Variants in UNC5D observed in about 807,000 individuals in gnomAD.
UNC5D encodes netrin receptor UNC5D.
In UNC5D, 39 loss-of-function variants were observed where a neutral mutation model predicts 105.4. The ratio of observed to expected loss-of-function variants is 0.37; its 90% confidence interval spans 0.29 to 0.48. UNC5D has a LOEUF of 0.48. Among genes scored for constraint, UNC5D ranks in the 20% least tolerant of loss-of-function variants. The pLI is 0.98. For missense variants in UNC5D, 991 were observed against 1,202.4 expected (o/e 0.82, Z 2.60); for synonymous variants, 452 against 450.4 (o/e 1.00, Z -0.04).
At position 35,512,567 on chromosome 8, in the gene UNC5D, A is replaced by ATCTC. The variant is rs1181301767; in HGVS notation, c.104-36724_104-36723insCTCT. Among the ~76,000 whole-genome samples the ATCTC allele has an allele frequency of 5.8e-4, 54 of 93,174 alleles. 3 individuals are homozygous for ATCTC. Among genetic ancestry groups the ATCTC allele is most frequent in the African/African-American group, 2.6e-3 (53 of 20,200 alleles). The allele number at this position is 93,174 out of a possible 152,430, so 61.1% of individuals were successfully genotyped here. ...TATATATATATATATATATATATAT[A>ATCTC]TATCTGAATAGATTACTAAATGGAG... On this transcript the variant is annotated intron_variant, in intron 1 of 16. Coordinates refer to ENST00000404895, the MANE Select transcript of UNC5D (RefSeq NM_080872.4).
chr8:35,758,205 G>C (rs1024285183), intron 13 of UNC5D, among the ~76,000 whole-genome samples: 1 of 152,202 alleles, frequency 6.6e-6, no homozygotes, highest in African/African-American at 2.4e-5. Context: ...TAAAACTTGG[G>C]TGACTTTTTA....
At chr8:35,604,403 G>C (rs542233133) in intron 4 of UNC5D, among the ~76,000 whole-genome samples, 1,921 of 152,250 alleles carry the variant, frequency 0.013, 39 homozygotes, top group African/African-American at 0.043. Context: ...GAGTTTCTGC[G>C]GAGAGATCAG....
intron 1 of UNC5D, among the ~76,000 whole-genome samples, chr8:35,353,313 CAGTT>C (rs1474985153): frequency 3.3e-5 from 5 of 152,068 alleles, no homozygotes; most frequent in South Asian, 2.1e-4. Context: ...ACAATTGTAA[CAGTT>C]AGAGTTTGAG....
At chr8:35,341,178 T>C (rs1811428818) in intron 1 of UNC5D, among the ~76,000 whole-genome samples, 1 of 152,160 alleles carries the variant, frequency 6.6e-6, no homozygotes, top group African/African-American at 2.4e-5. Context: ...CTATTCATAC[T>C]GGAATAATTT....
chr8:35,724,171 C>T (rs1828734902), intron 9 of UNC5D: 2 of 1,472,964 alleles, frequency 1.4e-6, no homozygotes, highest in Non-Finnish European at 1.8e-6. Context: ...TTAAACTCAA[C>T]TTATGTGTAT....
chr8:35,764,199 G>C (rs1022766874), intron 14 of UNC5D, among the ~76,000 whole-genome samples: 1 of 152,172 alleles, frequency 6.6e-6, no homozygotes, highest in Non-Finnish European at 1.5e-5. Flanking sequence ...AGAGATGATG[G>C]CAATCAGTTT....
At chr8:35,389,219 T>C (rs1054102298) in intron 1 of UNC5D, among the ~76,000 whole-genome samples, 3 of 152,242 alleles carry the variant, frequency 2.0e-5, no homozygotes, top group East Asian at 1.9e-4. Context: ...TGATGTCTAA[T>C]GGACATCTAG....
chr8:35,684,485 C>T (rs1825879194), intron 5 of UNC5D, 97 bp from the exon 6 acceptor site: 2 of 1,451,044 alleles, frequency 1.4e-6, no homozygotes, highest in Non-Finnish European at 1.9e-6. Context: ...TCCCTGGATG[C>T]CTGACTCACA....
chr8:35,733,268 C>A (rs1007394670), intron 11 of UNC5D, among the ~76,000 whole-genome samples: 1 of 152,164 alleles, frequency 6.6e-6, no homozygotes, highest in Non-Finnish European at 1.5e-5. Context: ...ATAGCAAATA[C>A]CTTTCTACTA....
At chr8:35,271,167 A>T (rs1805256509) in intron 1 of UNC5D, among the ~76,000 whole-genome samples, 1 of 149,970 alleles carries the variant, frequency 6.7e-6, no homozygotes, top group Admixed American at 6.7e-5. Context: ...GTCATTCAAC[A>T]AATATATTTG....
chr8:35,367,529 A>T (rs2128922701), intron 1 of UNC5D, among the ~76,000 whole-genome samples: 1 of 152,144 alleles, frequency 6.6e-6, no homozygotes, highest in East Asian at 1.9e-4. Flanking sequence ...CAGAGGAGGA[A>T]GAGCATTTGT....
chr8:35,713,075 A>T (rs1184245935), intron 8 of UNC5D, among the ~76,000 whole-genome samples: 4 of 151,640 alleles, frequency 2.6e-5, no homozygotes, highest in Non-Finnish European at 5.9e-5. Flanking sequence ...ATTTTTTATG[A>T]TCTAATGTTT....
intron 1 of UNC5D, among the ~76,000 whole-genome samples, chr8:35,293,633 T>G (rs1204470366): frequency 6.6e-6 from 1 of 152,216 alleles, no homozygotes; most frequent in African/African-American, 2.4e-5. Context: ...ATTTCCATGA[T>G]TGACTCTGTG....
intron 1 of UNC5D, among the ~76,000 whole-genome samples, chr8:35,545,926 C>G (rs1815639854): frequency 6.6e-6 from 1 of 152,072 alleles, no homozygotes; most frequent in South Asian, 2.1e-4. Context: ...GTCTGTCTCT[C>G]TCTGTCACCC....
intron 8 of UNC5D, among the ~76,000 whole-genome samples, chr8:35,718,348 A>C (rs73671916): frequency 0.028 from 4,315 of 152,312 alleles, 217 homozygotes; most frequent in African/African-American, 0.098. Context: ...AATCACTTTG[A>C]GCAAACAAAC....
intron 1 of UNC5D, among the ~76,000 whole-genome samples, chr8:35,493,833 T>G (rs1364114562): frequency 6.6e-6 from 1 of 152,168 alleles, no homozygotes; most frequent in Non-Finnish European, 1.5e-5. Flanking sequence ...AATAAGACCT[T>G]GCATTTCTAG....
At chr8:35,530,924 G>A (rs1814317034) in intron 1 of UNC5D, among the ~76,000 whole-genome samples, 1 of 142,744 alleles carries the variant, frequency 7.0e-6, no homozygotes, top group Non-Finnish European at 1.5e-5. Context: ...GTGTCTATTT[G>A]ATTCTTCTCT....
intron 1 of UNC5D, among the ~76,000 whole-genome samples, chr8:35,401,883 G>T (rs944685487): frequency 2.6e-5 from 4 of 152,136 alleles, no homozygotes; most frequent in African/African-American, 9.7e-5. Flanking sequence ...TGAAAATACT[G>T]CCATCTTTCC....
In UNC5D at chr8:35,793,850, A is replaced by T. The variant is rs532328631; in HGVS notation, c.*3287A>T. ...AAAAGAATTGACACAGTTCTCTTTA[A>T]AGAGAAGAACTTTTTTATTATTATT... On this transcript the variant is annotated 3_prime_UTR_variant, in exon 17 of 17. Transcript: ENST00000404895. The T allele has an allele frequency of 2.0e-5, 3 of 152,516 alleles. No homozygotes were observed. Among genetic ancestry groups the T allele is most frequent in the African/African-American group, 7.2e-5 (3 of 41,580 alleles). The allele number at this position is 152,516 out of a possible 1,614,324, so 9.4% of individuals were successfully genotyped here.
Sources: gnomAD v4.1 joint callset for allele counts (sites outside exome capture counted in the v4.1 genomes callset) on GRCh38, gnomAD v4.1.1 for gene constraint, MANE v1.5 for transcripts, NCBI Gene and HGNC (gene_info 2026-07-23, HGNC 2026-07-21) for gene names.